TAB2: variants seen among roughly 807,000 people sequenced by gnomAD.
The protein encoded by TAB2 is TGF-beta-activated kinase 1 and MAP3K7-binding protein 2.
A neutral mutation model predicts 65.0 loss-of-function variants in TAB2; 3 were observed. The observed-to-expected ratio is 0.05, with a 90% CI of 0.02 to 0.12. TAB2 has a LOEUF of 0.12. Ranked by LOEUF, TAB2 falls within the 10% of genes least tolerant of loss-of-function variation. The pLI, the probability that TAB2 is intolerant of heterozygous loss-of-function variation, is 1.00. For missense variants in TAB2, 623 were observed against 840.3 expected (o/e 0.74, Z 3.20); for synonymous variants, 298 against 285.1 (o/e 1.05, Z -0.46).
At chr6:149,258,830 G>A (rs760186877) in intron 1 of TAB2, among the ~76,000 whole-genome samples, 2 of 152,220 alleles carry the variant, frequency 1.3e-5, no homozygotes, top group South Asian at 4.1e-4. Context: ...GCAAGCTACT[G>A]ATCAGCTGAC....
In TAB2 at chr6:149,357,574, G is replaced by A. The variant is rs1240828225; in HGVS notation, c.-89-12335G>A. ...AGTCTATGCTTCTGCCCCCTTGAAC[G>A]GTGTTAATGAACATCTGTCCATGTC... is the stretch of plus-strand genomic sequence containing the variant. On this transcript the variant is annotated intron_variant, in intron 1 of 6. Transcript: ENST00000637181. Among the ~76,000 whole-genome samples the A allele has an allele frequency of 3.3e-5, 5 of 151,908 alleles. No individual in the cohort carries two copies. The South Asian group carries it at 6.2e-4, about 19-fold the overall frequency.
chr6:149,385,419 C>T (rs1021646990), intron 3 of TAB2, among the ~76,000 whole-genome samples: 7 of 152,118 alleles, frequency 4.6e-5, no homozygotes, highest in South Asian at 2.1e-4. Context: ...TCGAGCTACT[C>T]GGGAGTCTGA....
intron 1 of TAB2, among the ~76,000 whole-genome samples, chr6:149,222,573 A>C (rs1379031246): frequency 6.6e-6 from 1 of 151,156 alleles, no homozygotes; most frequent in African/African-American, 2.4e-5. Flanking sequence ...AACTGAGATC[A>C]TCCCACTGCA....
chr6:149,352,689 G>A (rs752039927), intron 1 of TAB2, among the ~76,000 whole-genome samples: 3 of 152,128 alleles, frequency 2.0e-5, no homozygotes, highest in Non-Finnish European at 2.9e-5. Flanking sequence ...GGTCTTGTAG[G>A]AACTGGAGTA....
intron 1 of TAB2, among the ~76,000 whole-genome samples, chr6:149,338,958 G>T (rs1780016282): frequency 6.6e-6 from 1 of 152,244 alleles, no homozygotes; most frequent in Non-Finnish European, 1.5e-5. Context: ...GAGCTGCCAT[G>T]TGCCAGGCAC....
At chr6:149,387,803 C>G (rs1781853059) in intron 3 of TAB2, among the ~76,000 whole-genome samples, 1 of 151,890 alleles carries the variant, frequency 6.6e-6, no homozygotes, top group Non-Finnish European at 1.5e-5. Context: ...GATTATGTCT[C>G]TTTTTTTTGT....
chr6:149,298,427 G>C (rs991206970), intron 1 of TAB2, among the ~76,000 whole-genome samples: 1 of 152,152 alleles, frequency 6.6e-6, no homozygotes, highest in Non-Finnish European at 1.5e-5. Context: ...TGGAGTTTGA[G>C]ACCAGCCTGG....
At chr6:149,310,058 G>T (rs554125384) in intron 1 of TAB2, among the ~76,000 whole-genome samples, 1 of 151,274 alleles carries the variant, frequency 6.6e-6, no homozygotes, top group African/African-American at 2.4e-5. Context: ...GGAGTGGGGC[G>T]CAGTGCCTCA....
Position 149,340,089 on chromosome 6 carries a change from C to G in TAB2, c.-90+22074C>G, listed in dbSNP as rs117765397. On this transcript the variant is annotated intron_variant, in intron 1 of 6. Transcript: ENST00000637181. Reference sequence around the variant, plus strand: ...GTTGGACTAGATAATCTATAAGGCTCCTTTCAACATCAAATCTATGATTCG... The same window carrying G: ...GTTGGACTAGATAATCTATAAGGCTGCTTTCAACATCAAATCTATGATTCG... Among the ~76,000 whole-genome samples, 818 of 152,154 alleles carry G rather than the reference C, an allele frequency of 5.4e-3. 5 individuals are homozygous for G. The highest frequency in any genetic ancestry group is 7.9e-3 in the Non-Finnish European group (539 of 67,988).
intron 3 of TAB2, among the ~76,000 whole-genome samples, chr6:149,391,152 G>GT (rs1435357922): frequency 6.6e-6 from 1 of 152,104 alleles, no homozygotes; most frequent in African/African-American, 2.4e-5. Flanking sequence ...AGAATTCTTG[G>GT]TTGAATATCA....
intron 1 of TAB2, among the ~76,000 whole-genome samples, chr6:149,325,674 T>C (rs760337887): frequency 5.9e-5 from 9 of 152,192 alleles, no homozygotes; most frequent in Non-Finnish European, 1.0e-4. Context: ...ACCTCAAATA[T>C]GAGGTTTAAT....
intron 3 of TAB2, 38 bp from the exon 4 acceptor site, chr6:149,397,566 A>G: frequency 6.8e-6 from 11 of 1,612,150 alleles, no homozygotes; most frequent in Non-Finnish European, 9.3e-6. Context: ...AATTGATTAA[A>G]GTGGGTGGGT....
chr6:149,383,002 A>G (rs984384212), intron 3 of TAB2, among the ~76,000 whole-genome samples: 4 of 152,046 alleles, frequency 2.6e-5, no homozygotes, highest in Admixed American at 1.3e-4. Context: ...TAAAAATACA[A>G]AAATTAGCTG....
chr6:149,238,389 G>A (rs1052550072), intron 1 of TAB2, among the ~76,000 whole-genome samples: 3 of 152,038 alleles, frequency 2.0e-5, no homozygotes, highest in Non-Finnish European at 2.9e-5. Flanking sequence ...ACACAGGGTG[G>A]GCTTGCTTCC....
At chr6:149,334,779 G>A in intron 1 of TAB2, among the ~76,000 whole-genome samples, 1 of 152,144 alleles carries the variant, frequency 6.6e-6, no homozygotes, top group Admixed American at 6.5e-5. Context: ...CAAGGACATT[G>A]TGGTGGAAAA....
rs1448851246 is a variant in TAB2 at position 149,317,880 on chromosome 6, C to T, written c.-225C>T. On this transcript the variant is annotated 5_prime_UTR_variant, in exon 1 of 7. Coordinates refer to ENST00000637181, the MANE Select transcript of TAB2 (RefSeq NM_001292034.3). The surrounding 1 kb of genome is among the most constrained non-coding windows in gnomAD (Gnocchi z 4.7). ...GGGAGGGCTGAGGTGTCCCCCCTGC[C>T]GGGTGGAACCGGAGGCGGCGGCGGC... is the stretch of plus-strand genomic sequence containing the variant. The T allele has an allele frequency of 1.2e-5, 2 of 169,858 alleles. No homozygotes were observed. Among genetic ancestry groups the T allele is most frequent in the South Asian group, 1.0e-4 (1 of 9,584 alleles). The allele number at this position is 169,858 out of a possible 1,614,324, so 10.5% of individuals were successfully genotyped here. A position where few individuals can be genotyped will look rare whatever the true frequency, so the allele number is the denominator to read the frequency against.
intron 1 of TAB2, among the ~76,000 whole-genome samples, chr6:149,368,778 A>G (rs905212816): frequency 7.2e-5 from 11 of 152,164 alleles, no homozygotes; most frequent in African/African-American, 2.2e-4. Flanking sequence ...CCACATAGAT[A>G]AAATAATTAA....
chr6:149,358,685 TATAA>T (rs1365492211), intron 1 of TAB2, among the ~76,000 whole-genome samples: 4 of 151,348 alleles, frequency 2.6e-5, no homozygotes, highest in African/African-American at 7.3e-5. Context: ...TTCAGTATAT[TATAA>T]AGAAACATTG....
At position 149,263,679 on chromosome 6, in the gene TAB2, C is replaced by T. The variant is rs376286211; in HGVS notation, c.-121+44903C>T. Among the ~76,000 whole-genome samples, 49 of 152,342 alleles carry T rather than the reference C, an allele frequency of 3.2e-4. No individual in the cohort carries two copies. The South Asian group carries it at 9.9e-3, about 31-fold the overall frequency. ...CCCAAATGGTGAAAAATAGTCCCTC[C>T]TCTGCCCTGAAAATACAGAGTAACT... On this transcript the variant is annotated intron_variant, in intron 1 of 1. Transcript: ENST00000606202.
Sources: gnomAD v4.1 joint callset for allele counts (sites outside exome capture counted in the v4.1 genomes callset) on GRCh38, gnomAD v4.1.1 for gene constraint, Gnocchi (gnomAD v3.1) non-coding constraint, MANE v1.5 for transcripts, NCBI Gene and HGNC (gene_info 2026-07-23, HGNC 2026-07-21) for gene names.